The following ANK2 variants were observed in gnomAD, a reference collection of about 807,000 sequenced individuals.
ANK2 encodes ankyrin-2.
Under a neutral mutation model 360.5 loss-of-function variants are expected in ANK2, and 83 were observed. The observed-to-expected ratio is 0.23, with a 90% CI of 0.19 to 0.28. ANK2 has a LOEUF of 0.28. ANK2 is among the 10% of genes least tolerant of loss of function. The pLI, the probability that ANK2 is intolerant of heterozygous loss-of-function variation, is 1.00. For missense variants in ANK2, 4,201 were observed against 4,795.7 expected (o/e 0.88, Z 3.66); for synonymous variants, 1,740 against 1,759.5 (o/e 0.99, Z 0.28).
chr4:112,937,119 A>AT (rs1256192711), intron 2 of ANK2, among the ~76,000 whole-genome samples: 4 of 151,894 alleles, frequency 2.6e-5, no homozygotes, highest in African/African-American at 4.8e-5. Context: ...CACTTTTAAA[A>AT]TTTTTGTCCA....
At chr4:112,958,350 G>C (rs1325029075) in intron 2 of ANK2, among the ~76,000 whole-genome samples, 4 of 152,232 alleles carry the variant, frequency 2.6e-5, no homozygotes, top group East Asian at 1.9e-4. Flanking sequence ...CCGGCACCTC[G>C]GGAGGCCGAG....
In ANK2 at chr4:113,292,470, A is replaced by G; in HGVS notation, c.2332A>G (p.Asn778Asp). ...AAQQGHTHII[N>D]VLLQHGAKPN... ...TCAGCAGGGTCACACGCACATCATC[A>G]ACGTCCTGCTCCAGCATGGGGCCAA... is the stretch of plus-strand genomic sequence containing the variant. The change falls in exon 21 of 46, where the codon AAC (asparagine) becomes GAC (aspartate). Residue 778 changes from asparagine to aspartate, a missense_variant. By Grantham distance (23) the Asn-to-Asp change is conservative (BLOSUM62 1). Coordinates refer to ENST00000357077, the MANE Select transcript of ANK2 (RefSeq NM_001148.6). The G allele has an allele frequency of 1.9e-6, 3 of 1,612,068 alleles. No homozygotes were observed. In the South Asian group the frequency reaches 3.3e-5, roughly 18 times the overall value.
the ANK2 span, among the ~76,000 whole-genome samples, chr4:112,771,860 CA>C: frequency 6.6e-6 from 1 of 152,178 alleles, no homozygotes; most frequent in Non-Finnish European, 1.5e-5. Flanking sequence ...GCTGAGATTA[CA>C]GGGGTGAGCC....
the ANK2 span, among the ~76,000 whole-genome samples, chr4:112,808,906 G>A: frequency 1.3e-5 from 2 of 152,070 alleles, no homozygotes; most frequent in Non-Finnish European, 2.9e-5. Flanking sequence ...TGCCCAGACT[G>A]GAGTAAAGTG....
At chr4:112,883,365 C>T (rs935127011) in intron 1 of ANK2, among the ~76,000 whole-genome samples, 4 of 151,840 alleles carry the variant, frequency 2.6e-5, no homozygotes, top group Admixed American at 1.3e-4. Flanking sequence ...TTCCAACCTG[C>T]GGAGTTGCAT....
chr4:113,071,432 A>C (rs908316211), intron 1 of ANK2, among the ~76,000 whole-genome samples: 3 of 152,168 alleles, frequency 2.0e-5, no homozygotes, highest in African/African-American at 7.2e-5. Context: ...GGCTTCATAA[A>C]CATCTCCATG....
At chr4:112,774,269 G>T in the ANK2 span, among the ~76,000 whole-genome samples, 1 of 152,012 alleles carries the variant, frequency 6.6e-6, no homozygotes, top group Non-Finnish European at 1.5e-5. Flanking sequence ...GCTCACGCCT[G>T]TAATCCTAGC....
chr4:113,184,924 G>A (rs1237178309), intron 2 of ANK2, among the ~76,000 whole-genome samples: 2 of 151,992 alleles, frequency 1.3e-5, no homozygotes, highest in Non-Finnish European at 2.9e-5. Context: ...TATTCTCATT[G>A]TTCAGCTCCC....
intron 2 of ANK2, among the ~76,000 whole-genome samples, chr4:112,951,507 C>G (rs1474721953): frequency 6.6e-6 from 1 of 151,908 alleles, no homozygotes; most frequent in African/African-American, 2.4e-5. Flanking sequence ...TTGTAAATTC[C>G]TTTTCCTTCT....
At chr4:112,957,182 C>A (rs1442643759) in intron 2 of ANK2, among the ~76,000 whole-genome samples, 1 of 151,042 alleles carries the variant, frequency 6.6e-6, no homozygotes, top group African/African-American at 2.4e-5. Flanking sequence ...TGTTTGTGTC[C>A]CTGGGTACTT....
intron 24 of ANK2, among the ~76,000 whole-genome samples, chr4:113,317,183 A>G (rs936914080): frequency 2.0e-5 from 3 of 152,208 alleles, no homozygotes; most frequent in Non-Finnish European, 4.4e-5. Flanking sequence ...GAATGCACCA[A>G]CATTCAGTCA....
At chr4:112,912,098 AC>A (rs2087745965) in intron 2 of ANK2, among the ~76,000 whole-genome samples, 1 of 150,388 alleles carries the variant, frequency 6.6e-6, no homozygotes, top group Non-Finnish European at 1.5e-5. Context: ...AATGGTGTGG[AC>A]CCCGGAGGTG....
At chr4:112,847,843 T>A (rs2063689098) in intron 1 of ANK2, among the ~76,000 whole-genome samples, 1 of 152,250 alleles carries the variant, frequency 6.6e-6, no homozygotes, top group South Asian at 2.1e-4. Flanking sequence ...CCCTTCACAG[T>A]CTAGTTCTAG....
At chr4:113,095,149 G>T (rs1381581242) in intron 1 of ANK2, among the ~76,000 whole-genome samples, 7 of 152,188 alleles carry the variant, frequency 4.6e-5, no homozygotes, top group Admixed American at 3.9e-4. Context: ...TTCCTCAGTG[G>T]CAAGAAGTGC....
At chr4:113,298,083 A>G (rs2072888134) in intron 22 of ANK2, among the ~76,000 whole-genome samples, 1 of 152,126 alleles carries the variant, frequency 6.6e-6, no homozygotes, top group African/African-American at 2.4e-5. Flanking sequence ...TCTTAAAAAG[A>G]CATACTTAGT....
At chr4:113,121,313 G>GA (rs35736472) in intron 1 of ANK2, among the ~76,000 whole-genome samples, 2 of 152,094 alleles carry the variant, frequency 1.3e-5, no homozygotes, top group Non-Finnish European at 2.9e-5. Context: ...GTTCATTGGA[G>GA]AAAAAAAGTA....
chr4:113,354,852 A>C lies in ANK2; in HGVS notation c.6234A>C (p.Glu2078Asp). 1 of 1,614,178 alleles carries C rather than the reference A, an allele frequency of 6.2e-7. No homozygotes were observed. The change falls in exon 38 of 46, where the codon GAA (glutamate) becomes GAC (aspartate). Residue 2078 changes from glutamate (E) to aspartate (D), a missense_variant. By Grantham distance (45) the Glu-to-Asp change is conservative. Around this residue, in one of 4 missense-constraint regions of ANK2, gnomAD observed 2,642 missense variants for 2,714.5 expected, o/e 0.97. Transcript: ENST00000357077. Reference protein sequence around the residue: ...VRVSSIGVKKEDAAGGKEKVL... With the variant: ...VRVSSIGVKKDDAAGGKEKVL... ...TTTCCTCCATAGGAGTTAAGAAAGA[A>C]GATGCAGCTGGAGGAAAGGAGAAAG... is the stretch of plus-strand genomic sequence containing the variant.
chr4:113,350,404 T>C lies in ANK2; in HGVS notation c.4426+155T>C. On this transcript the variant is annotated intron_variant, in intron 37 of 45. Transcript: ENST00000357077. ...CATTAATATATTTATAAAAGCAGCT[T>C]GGCCAGTTAAATTACAAATATACCT... The C allele has an allele frequency of 6.3e-6, 4 of 629,996 alleles. No homozygotes were observed. The South Asian group carries it at 1.1e-4, about 17-fold the overall frequency. 39.0% of individuals were successfully genotyped at this position (629,996 alleles called of 1,614,324 possible).
chr4:112,806,307 T>G, the ANK2 span, among the ~76,000 whole-genome samples: 1 of 152,204 alleles, frequency 6.6e-6, no homozygotes, highest in Non-Finnish European at 1.5e-5. Flanking sequence ...GTGAAATTTG[T>G]CTTTCTGTGC....
Sources: allele counts gnomAD v4.1 joint callset (sites outside exome capture counted in the v4.1 genomes callset), GRCh38; gene constraint gnomAD v4.1.1; regional missense constraint gnomAD v4.1.1; transcripts MANE v1.5; gene names NCBI Gene and HGNC (gene_info 2026-07-23, HGNC 2026-07-21).